Variants in SPIDR observed in about 807,000 individuals in gnomAD.
SPIDR encodes the protein DNA repair-scaffolding protein.
In SPIDR, 93 loss-of-function variants were observed where a neutral mutation model predicts 104.6. The observed-to-expected ratio is 0.89, with a 90% CI of 0.75 to 1.06. SPIDR has a LOEUF of 1.06. Ranked by LOEUF, SPIDR falls within the 50% of genes least tolerant of loss-of-function variation. SPIDR has a pLI of 0.00. For missense variants in SPIDR, 1,154 were observed against 1,111.2 expected (o/e 1.04, Z -0.55); for synonymous variants, 431 against 416.9 (o/e 1.03, Z -0.41).
Position 47,427,251 on chromosome 8 carries a change from ATAAAT to A in SPIDR, c.878-13070_878-13066del, listed in dbSNP as rs1416240410. Among the ~76,000 whole-genome samples, 15 of 149,944 alleles carry A rather than the reference ATAAAT, an allele frequency of 1.0e-4. No individual in the cohort carries two copies. The South Asian group carries it at 2.7e-3, about 27-fold the overall frequency. Reference sequence around the variant, plus strand: ...ACTTTATAAATATTATAAATATAAAATAAATTGTCAGAAGCAGTTAACAAGGATTA... The same window carrying A: ...ACTTTATAAATATTATAAATATAAAATGTCAGAAGCAGTTAACAAGGATTA... On this transcript the variant is annotated intron_variant, in intron 7 of 19. Coordinates refer to ENST00000297423, the MANE Select transcript of SPIDR (RefSeq NM_001080394.4).
intron 8 of SPIDR, among the ~76,000 whole-genome samples, chr8:47,552,944 A>G (rs565032254): frequency 6.6e-5 from 10 of 152,276 alleles, no homozygotes; most frequent in African/African-American, 2.2e-4. Context: ...GAGCTCTTGC[A>G]TGGCAGGCCT....
At chr8:47,669,782 A>G (rs2075548461) in intron 10 of SPIDR, among the ~76,000 whole-genome samples, 1 of 152,154 alleles carries the variant, frequency 6.6e-6, no homozygotes, top group Non-Finnish European at 1.5e-5. Context: ...CGGGTGGATC[A>G]CGAGGTCAAG....
intron 5 of SPIDR, among the ~76,000 whole-genome samples, chr8:47,359,450 T>C (rs2055283173): frequency 6.6e-6 from 1 of 152,124 alleles, no homozygotes; most frequent in African/African-American, 2.4e-5. Flanking sequence ...TGGAACAGCC[T>C]TTCTTCTGGG....
At chr8:47,440,291 A>C in intron 7 of SPIDR, 32 bp from the exon 8 acceptor site, 1 of 1,590,016 alleles carries the variant, frequency 6.3e-7, no homozygotes, top group Non-Finnish European at 8.6e-7. Context: ...TTTTGATTTC[A>C]TTTTTGCTTT....
chr8:47,563,294 C>G (rs896317032), intron 8 of SPIDR, among the ~76,000 whole-genome samples: 9 of 151,962 alleles, frequency 5.9e-5, no homozygotes, highest in African/African-American at 2.2e-4. Flanking sequence ...CTCGGCTCAC[C>G]AAGTAGCTGA....
At chr8:47,693,521 G>C (rs570020145) in intron 11 of SPIDR, among the ~76,000 whole-genome samples, 19 of 152,348 alleles carry the variant, frequency 1.2e-4, no homozygotes, top group Admixed American at 2.6e-4. Flanking sequence ...GGCCCTGCTA[G>C]CTAGTATGCC....
At chr8:47,461,546 G>A (rs1554713500) in intron 8 of SPIDR, among the ~76,000 whole-genome samples, 2 of 152,152 alleles carry the variant, frequency 1.3e-5, no homozygotes, top group African/African-American at 4.8e-5. Context: ...TCTTGACCTC[G>A]TGATCTGCCC....
rs1554707127 is a variant in SPIDR at position 47,452,955 on chromosome 8, A to ATC, written c.1097+12413_1097+12414insTC. ...TTGTAGATGACATGAATATATAGTT[A>ATC]GAGGGCCCCATCATCGCAGCCCAAG... On this transcript the variant is annotated intron_variant, in intron 8 of 19. Transcript: ENST00000297423. 2.8e-3 allele frequency among the ~76,000 whole-genome samples: 428 copies of ATC among 152,318 alleles called. 2 individuals carry two copies. The highest frequency in any genetic ancestry group is 0.018 in the East Asian group (91 of 5,180).
chr8:47,405,314 GTGTGTGTGTATATA>G (rs1238384203), intron 6 of SPIDR, among the ~76,000 whole-genome samples: 6 of 151,448 alleles, frequency 4.0e-5, no homozygotes, highest in African/African-American at 7.3e-5. Context: ...GTGTGTGTGT[GTGTGTGTGTATATA>G]TGTGTGTGTG....
intron 8 of SPIDR, among the ~76,000 whole-genome samples, chr8:47,594,221 A>T (rs988203033): frequency 6.7e-6 from 1 of 149,114 alleles, no homozygotes; most frequent in Non-Finnish European, 1.5e-5. Flanking sequence ...AAAAAAAAAA[A>T]AGAATTAGCT....
intron 8 of SPIDR, among the ~76,000 whole-genome samples, chr8:47,564,204 G>A (rs1346116836): frequency 2.7e-5 from 4 of 147,752 alleles, no homozygotes; most frequent in African/African-American, 7.5e-5. Context: ...TCAGCCTCCC[G>A]AGTAGCTGGG....
chr8:47,275,733 G>T (rs2036297022), intron 1 of SPIDR, among the ~76,000 whole-genome samples: 5 of 152,170 alleles, frequency 3.3e-5, no homozygotes, highest in Non-Finnish European at 7.4e-5. Flanking sequence ...TGGTAGCTGG[G>T]TACCCCATAC....
chr8:47,270,201 G>A (rs2035011574), intron 1 of SPIDR, among the ~76,000 whole-genome samples: 1 of 152,120 alleles, frequency 6.6e-6, no homozygotes, highest in African/African-American at 2.4e-5. Flanking sequence ...GGAAGAGTTT[G>A]TGAAGGATAG....
At chr8:47,364,974 T>G (rs1351554537) in intron 5 of SPIDR, among the ~76,000 whole-genome samples, 8 of 152,228 alleles carry the variant, frequency 5.3e-5, no homozygotes, top group Admixed American at 5.2e-4. Context: ...ACAGCAAGCC[T>G]GTGGCCATTA....
At chr8:47,355,292 A>G (rs2054317586) in intron 5 of SPIDR, among the ~76,000 whole-genome samples, 1 of 146,584 alleles carries the variant, frequency 6.8e-6, no homozygotes, top group Admixed American at 6.8e-5. Context: ...AAAAAAAAAA[A>G]TACTGCCTTA....
chr8:47,472,019 A>G (rs992092386), intron 8 of SPIDR, among the ~76,000 whole-genome samples: 2 of 152,204 alleles, frequency 1.3e-5, no homozygotes, highest in Non-Finnish European at 2.9e-5. Flanking sequence ...GTGATTGCAG[A>G]CTTTTACATT....
chr8:47,333,838 C>G (rs1333596775), intron 5 of SPIDR, among the ~76,000 whole-genome samples: 1 of 152,184 alleles, frequency 6.6e-6, no homozygotes, highest in Admixed American at 6.5e-5. Flanking sequence ...CCATTGTAAT[C>G]TTACAAGACC....
At chr8:47,596,045 A>G in intron 9 of SPIDR, 39 bp downstream of exon 9, 1 of 1,553,336 alleles carries the variant, frequency 6.4e-7, no homozygotes, top group Admixed American at 2.0e-5. Flanking sequence ...TGCTTGTAAT[A>G]ATGTTAGTGA....
Position 47,411,578 on chromosome 8 carries a change from C to G in SPIDR, c.877+3617C>G, listed in dbSNP as rs553039092. Among the ~76,000 whole-genome samples, 40 of 152,202 alleles carry G rather than the reference C, an allele frequency of 2.6e-4. 1 individual carries two copies. Among genetic ancestry groups the G allele is most frequent in the African/African-American group, 9.1e-4 (38 of 41,538 alleles). On this transcript the variant is annotated intron_variant, in intron 7 of 19. Transcript: ENST00000297423. ...TTAGCTTTGTCAGATGAGTAGATTG[C>G]GAAAGTTTTCTCCCATTCTGTAGGT...
Sources: allele counts gnomAD v4.1 joint callset (sites outside exome capture counted in the v4.1 genomes callset), GRCh38; gene constraint gnomAD v4.1.1; transcripts MANE v1.5; gene names NCBI Gene and HGNC (gene_info 2026-07-23, HGNC 2026-07-21).